PDE3B: variants seen among roughly 807,000 people sequenced by gnomAD.
The protein encoded by PDE3B is cGMP-inhibited 3',5'-cyclic phosphodiesterase 3B.
A neutral mutation model predicts 116.8 loss-of-function variants in PDE3B; 66 were observed. The observed-to-expected ratio is 0.56, with a 90% confidence interval of 0.46 to 0.69. The LOEUF (loss-of-function observed/expected upper bound fraction) is 0.69, where lower values mean the gene tolerates loss of function less well. Ranked by LOEUF, PDE3B falls within the 30% of genes least tolerant of loss-of-function variation. The pLI is 0.00. For synonymous variants in PDE3B, 595 were observed against 533.6 expected (o/e 1.12, Z -1.59); for missense variants, 1,384 against 1,368.1 (o/e 1.01, Z -0.18).
rs537390973 is a variant in PDE3B at position 14,755,317 on chromosome 11, G to A, written c.979-16620G>A. Among the ~76,000 whole-genome samples, 6 of 152,272 alleles carry A rather than the reference G, an allele frequency of 3.9e-5. No individual in the cohort carries two copies. In the East Asian group the frequency reaches 1.2e-3, roughly 29 times the overall value. ...AGTTTTCAAACTAAAATACAAGTTA[G>A]GGATTTTCCGTATTTCAAAATCTGT... On this transcript the variant is annotated intron_variant, in intron 1 of 15. Transcript: ENST00000282096.
Position 14,648,642 on chromosome 11 carries a change from A to T in PDE3B, c.978+3589A>T, listed in dbSNP as rs1291719335. ...ATTATTTTTCAAAAACACAGATTTG[A>T]TAGAGTCACTCTGTTTTAAAAATCT... is the stretch of plus-strand genomic sequence containing the variant. On this transcript the variant is annotated intron_variant, in intron 1 of 15. Coordinates refer to ENST00000282096, the MANE Select transcript of PDE3B (RefSeq NM_000922.4). 3.3e-5 allele frequency among the ~76,000 whole-genome samples: 5 copies of T among 152,256 alleles called. No homozygotes were observed. In the East Asian group the frequency reaches 9.6e-4, roughly 29 times the overall value.
At chr11:14,862,506 G>C (rs1352716286) in intron 14 of PDE3B, among the ~76,000 whole-genome samples, 1 of 152,116 alleles carries the variant, frequency 6.6e-6, no homozygotes, top group Non-Finnish European at 1.5e-5. Flanking sequence ...CCGGACAGAG[G>C]GCTACAAAAT....
intron 1 of PDE3B, among the ~76,000 whole-genome samples, chr11:14,686,900 A>G (rs1854893660): frequency 6.6e-6 from 1 of 151,964 alleles, no homozygotes; most frequent in Non-Finnish European, 1.5e-5. Context: ...TTTTTATTAG[A>G]GACGGTGTTT....
intron 5 of PDE3B, among the ~76,000 whole-genome samples, chr11:14,806,881 GAAAA>G (rs1190834271): frequency 7.6e-6 from 1 of 132,420 alleles, no homozygotes; most frequent in Non-Finnish European, 1.6e-5. Flanking sequence ...AAAAAAAAAA[GAAAA>G]AAAAGAAAAT....
rs774145192 is a variant in PDE3B at position 14,832,805 on chromosome 11, A to G, written c.2178A>G (p.Ala726=). The G allele has an allele frequency of 2.0e-6, 3 of 1,504,370 alleles. No individual in the cohort carries two copies. The African/African-American group carries it at 4.2e-5, about 21-fold the overall frequency. 93.2% of individuals were successfully genotyped at this position (1,504,370 alleles called of 1,614,324 possible). A position where few individuals can be genotyped will look rare whatever the true frequency, so the allele number is the denominator to read the frequency against. The change falls in exon 10 of 16, where the codon GCA becomes GCG. Residue 726 remains alanine (A), a synonymous_variant. Transcript: ENST00000282096. ...AACAATTTATGAACTATTTTCGTGC[A>G]TTAGAAAATGGCTATCGAGACATTC... ...PTQQFMNYFR[A]LENGYRDIPY... is the part of the protein sequence containing the mutation.
chr11:14,815,936 T>G lies in PDE3B; in HGVS notation c.1523-2247T>G, dbSNP rs549505654. Reference sequence around the variant, plus strand: ...GGCAAAAGATAAAGAACATTATATTTATACACACACACACACACACACACA... The same window carrying G: ...GGCAAAAGATAAAGAACATTATATTGATACACACACACACACACACACACA... On this transcript the variant is annotated intron_variant, in intron 5 of 15. Transcript: ENST00000282096. Among the ~76,000 whole-genome samples the G allele has an allele frequency of 3.9e-5, 5 of 128,802 alleles. No homozygotes were observed. The South Asian group carries it at 1.2e-3, about 32-fold the overall frequency. The allele number at this position is 128,802 out of a possible 152,430, so 84.5% of individuals were successfully genotyped here.
intron 1 of PDE3B, among the ~76,000 whole-genome samples, chr11:14,710,913 TTTGCCCAAAGAACTTTTC>T (rs1456226510): frequency 6.6e-6 from 1 of 152,244 alleles, no homozygotes. Flanking sequence ...AATGGTGTTA[TTTGCCCAAAGAACTTTTC>T]TTGCTCAAAG....
At chr11:14,755,596 G>A (rs140335414) in intron 1 of PDE3B, among the ~76,000 whole-genome samples, 24 of 152,178 alleles carry the variant, frequency 1.6e-4, no homozygotes, top group Middle Eastern at 6.8e-3. Context: ...ACAGATAAAC[G>A]TTGATTTTGA....
intron 14 of PDE3B, among the ~76,000 whole-genome samples, chr11:14,862,602 CTTTCT>C (rs2133992290): frequency 1.3e-5 from 2 of 152,200 alleles, no homozygotes; most frequent in South Asian, 4.2e-4. Flanking sequence ...GAGACAGAGG[CTTTCT>C]CTGTTGCCCA....
intron 1 of PDE3B, among the ~76,000 whole-genome samples, chr11:14,765,058 G>A (rs1224219524): frequency 1.3e-5 from 2 of 151,788 alleles, no homozygotes; most frequent in Admixed American, 6.6e-5. Context: ...AGAGTTAAGT[G>A]GATTTTTTTA....
intron 1 of PDE3B, among the ~76,000 whole-genome samples, chr11:14,649,747 G>T (rs1853514647): frequency 6.6e-6 from 1 of 152,188 alleles, no homozygotes; most frequent in Admixed American, 6.5e-5. Flanking sequence ...GCAAACTCAT[G>T]TACCTACATA....
At chr11:14,810,584 C>T (rs1180642097) in intron 5 of PDE3B, among the ~76,000 whole-genome samples, 17 of 151,620 alleles carry the variant, frequency 1.1e-4, no homozygotes, top group East Asian at 3.9e-4. Context: ...ACATTTGGGT[C>T]GGTTCCAAGT....
At chr11:14,762,171 A>G (rs1246153464) in intron 1 of PDE3B, among the ~76,000 whole-genome samples, 1 of 149,698 alleles carries the variant, frequency 6.7e-6, no homozygotes, top group Non-Finnish European at 1.5e-5. Flanking sequence ...TTTTTTTGAA[A>G]TGGGATCTCA....
At chr11:14,824,898 C>T (rs913971259) in intron 7 of PDE3B, among the ~76,000 whole-genome samples, 3 of 151,826 alleles carry the variant, frequency 2.0e-5, no homozygotes, top group South Asian at 2.1e-4. Context: ...AGGTCACCTA[C>T]GAAGGGAACC....
intron 1 of PDE3B, among the ~76,000 whole-genome samples, chr11:14,668,057 A>T (rs911018099): frequency 5.3e-5 from 8 of 152,050 alleles, no homozygotes; most frequent in African/African-American, 1.9e-4. Context: ...TTTGAAGCAT[A>T]CAATCCTATT....
chr11:14,756,125 T>C (rs1180060814), intron 1 of PDE3B, among the ~76,000 whole-genome samples: 1 of 152,218 alleles, frequency 6.6e-6, no homozygotes, highest in African/African-American at 2.4e-5. Context: ...AACTGAGATA[T>C]TCTCATTTTC....
intron 1 of PDE3B, among the ~76,000 whole-genome samples, chr11:14,672,275 A>G (rs1031174783): frequency 5.3e-5 from 8 of 151,868 alleles, no homozygotes; most frequent in Non-Finnish European, 8.8e-5. Context: ...TGAAACTTCT[A>G]TCTGAACACA....
intron 11 of PDE3B, among the ~76,000 whole-genome samples, chr11:14,838,097 G>A (rs1565158906): frequency 6.6e-6 from 1 of 151,974 alleles, no homozygotes; most frequent in Non-Finnish European, 1.5e-5. Flanking sequence ...TCCTGCCTCA[G>A]CCTCCCGAGT....
the PDE3B span, among the ~76,000 whole-genome samples, chr11:14,894,750 A>G: frequency 1.3e-5 from 2 of 152,168 alleles, no homozygotes; most frequent in East Asian, 1.9e-4. Flanking sequence ...CTTCCCTGTA[A>G]CAGTTTATCA....
Sources: allele counts gnomAD v4.1 joint callset (sites outside exome capture counted in the v4.1 genomes callset), GRCh38; gene constraint gnomAD v4.1.1; transcripts MANE v1.5; gene names NCBI Gene and HGNC (gene_info 2026-07-23, HGNC 2026-07-21).